GRID2: variants seen among roughly 807,000 people sequenced by gnomAD.
GRID2 encodes glutamate ionotropic receptor delta type subunit 2, also known as glutamate receptor ionotropic, delta-2.
A neutral mutation model predicts 114.8 loss-of-function variants in GRID2; 33 were observed. The ratio of observed to expected loss-of-function variants is 0.29; its 90% CI spans 0.22 to 0.38. The LOEUF is 0.38. Among genes scored for constraint, GRID2 ranks in the 10% least tolerant of loss-of-function variants. The pLI, the probability that GRID2 is intolerant of heterozygous loss-of-function variation, is 1.00. For synonymous variants in GRID2, 505 were observed against 449.9 expected (o/e 1.12, Z -1.55); for missense variants, 1,184 against 1,257.7 (o/e 0.94, Z 0.89).
At chr4:92,351,919 G>A (rs1728085982) in intron 1 of GRID2, among the ~76,000 whole-genome samples, 4 of 151,984 alleles carry the variant, frequency 2.6e-5, no homozygotes, top group Middle Eastern at 6.8e-3. Context: ...AGGACACTTA[G>A]GTTGATTCCA....
chr4:93,227,236 T>TTA (rs146296607), intron 7 of GRID2, among the ~76,000 whole-genome samples: 2,643 of 151,980 alleles, frequency 0.017, 72 homozygotes, highest in African/African-American at 0.061. Flanking sequence ...CTCCTGAATA[T>TTA]TATATATATA....
chr4:93,176,105 AT>A, intron 4 of GRID2, among the ~76,000 whole-genome samples: 1 of 152,350 alleles, frequency 6.6e-6, no homozygotes, highest in East Asian at 1.9e-4. Flanking sequence ...GCAAATGGGT[AT>A]TTTAGTAGAA....
rs185951136 is a variant in GRID2 at position 92,977,096 on chromosome 4, C to T, written c.245-107899C>T. On this transcript the variant is annotated intron_variant, in intron 2 of 15. Coordinates refer to ENST00000282020, the MANE Select transcript of GRID2 (RefSeq NM_001510.4). ...AATATGTATTGGGCTCTGGGAAACT[C>T]ATCTATTATTACAAGAATCAGAAAG... 2.0e-4 allele frequency among the ~76,000 whole-genome samples: 31 copies of T among 152,184 alleles called. No individual in the cohort carries two copies. The East Asian group carries it at 6.0e-3, about 29-fold the overall frequency.
chr4:92,380,531 C>G (rs13110899), intron 1 of GRID2, among the ~76,000 whole-genome samples: 49,646 of 151,736 alleles, frequency 0.33, 9,230 homozygotes, highest in East Asian at 0.7. Context: ...TCTCATTTTT[C>G]TATGTATTTT....
At chr4:93,250,691 A>C (rs1748797333) in intron 8 of GRID2, among the ~76,000 whole-genome samples, 1 of 147,060 alleles carries the variant, frequency 6.8e-6, no homozygotes, top group Admixed American at 6.8e-5. Flanking sequence ...TTATATATAT[A>C]TAAAATGTGC....
At chr4:93,630,355 A>G (rs1482142717) in intron 14 of GRID2, among the ~76,000 whole-genome samples, 2 of 152,218 alleles carry the variant, frequency 1.3e-5, no homozygotes, top group Non-Finnish European at 2.9e-5. Flanking sequence ...AAGGCATTCA[A>G]GAATGAAGAA....
chr4:92,425,199 C>G (rs1017718110), intron 1 of GRID2, among the ~76,000 whole-genome samples: 1 of 152,004 alleles, frequency 6.6e-6, no homozygotes, highest in Middle Eastern at 3.4e-3. Flanking sequence ...ATTAAGTAGA[C>G]GACAGCAAAT....
intron 14 of GRID2, among the ~76,000 whole-genome samples, chr4:93,701,549 A>G (rs1386687303): frequency 6.6e-6 from 1 of 152,168 alleles, no homozygotes; most frequent in Non-Finnish European, 1.5e-5. Context: ...GAAAAAAAGA[A>G]TATGGGAATT....
intron 8 of GRID2, among the ~76,000 whole-genome samples, chr4:93,383,697 T>A (rs1479318169): frequency 6.6e-6 from 1 of 152,126 alleles, no homozygotes; most frequent in African/African-American, 2.4e-5. Context: ...GTGAGAAATG[T>A]CCTCTGGATG....
At chr4:93,171,644 T>A (rs1172593059) in intron 4 of GRID2, among the ~76,000 whole-genome samples, 1 of 152,132 alleles carries the variant, frequency 6.6e-6, no homozygotes, top group East Asian at 1.9e-4. Flanking sequence ...CAACCATTCC[T>A]GTTCAGTGGA....
intron 2 of GRID2, among the ~76,000 whole-genome samples, chr4:92,657,485 G>A (rs889048584): frequency 2.6e-5 from 4 of 151,196 alleles, no homozygotes; most frequent in African/African-American, 9.7e-5. Flanking sequence ...TCATTTTAAT[G>A]TTTTACAAAT....
chr4:92,857,612 T>C (rs1323214053), intron 2 of GRID2, among the ~76,000 whole-genome samples: 2 of 152,152 alleles, frequency 1.3e-5, no homozygotes, highest in Non-Finnish European at 2.9e-5. Flanking sequence ...CTAGCAGAGG[T>C]TGGCTCCTGA....
intron 13 of GRID2, among the ~76,000 whole-genome samples, chr4:93,595,139 G>T (rs13121519): frequency 6.6e-6 from 1 of 152,010 alleles, no homozygotes; most frequent in African/African-American, 2.4e-5. Context: ...TGACCTCCAG[G>T]CCTCTATCTT....
rs544269269 is a variant in GRID2, at chr4:93,316,912, G to A, written c.1245+78422G>A. Among the ~76,000 whole-genome samples the A allele has an allele frequency of 5.9e-5, 9 of 152,056 alleles. No individual in the cohort carries two copies. The East Asian group carries it at 1.5e-3, about 26-fold the overall frequency. ...TAATCAATTTATTTTTTCCTCCCAA[G>A]GTATCAGAAGTCCTGACTCAATTCT... On this transcript the variant is annotated intron_variant, in intron 8 of 15. Coordinates refer to ENST00000282020, the MANE Select transcript of GRID2 (RefSeq NM_001510.4).
At chr4:93,506,830 T>C (rs959482080) in intron 12 of GRID2, among the ~76,000 whole-genome samples, 2 of 152,128 alleles carry the variant, frequency 1.3e-5, no homozygotes, top group African/African-American at 4.8e-5. Context: ...AGACCTCAGC[T>C]TGCTCTTCCA....
chr4:93,202,825 G>A, intron 4 of GRID2, among the ~76,000 whole-genome samples: 1 of 152,186 alleles, frequency 6.6e-6, no homozygotes, highest in Admixed American at 6.5e-5. Flanking sequence ...TACATGAGAA[G>A]CATAAACAAT....
rs114083299 is a variant in GRID2 at position 93,215,404 on chromosome 4, G to A, written c.790-1334G>A. Among the ~76,000 whole-genome samples the A allele has an allele frequency of 5.1e-3, 777 of 152,024 alleles. 4 individuals carry two copies. The highest frequency in any genetic ancestry group is 0.018 in the African/African-American group (741 of 41,502). ...TTAAAAGATGTCTGGTTAAAATCAG[G>A]ACTTCAAATGGAGTTGACAGGATAC... On this transcript the variant is annotated intron_variant, in intron 5 of 15. Transcript: ENST00000282020.
At chr4:93,278,416 T>C (rs1480125198) in intron 8 of GRID2, among the ~76,000 whole-genome samples, 3 of 151,738 alleles carry the variant, frequency 2.0e-5, no homozygotes, top group East Asian at 3.9e-4. Flanking sequence ...TGAGAGTAGG[T>C]CTCAGAGGAA....
chr4:93,609,039 G>C (rs1230966342), intron 13 of GRID2, among the ~76,000 whole-genome samples: 1 of 103,108 alleles, frequency 9.7e-6, no homozygotes, highest in African/African-American at 3.8e-5. Context: ...TAGTGGTTTT[G>C]ATTTGCATTT....
Sources: gnomAD v4.1 joint callset for allele counts (sites outside exome capture counted in the v4.1 genomes callset) on GRCh38, gnomAD v4.1.1 for gene constraint, MANE v1.5 for transcripts, NCBI Gene and HGNC (gene_info 2026-07-23, HGNC 2026-07-21) for gene names.